ENTREP1: variants seen among roughly 807,000 people sequenced by gnomAD.
The protein encoded by ENTREP1 is Friedreich ataxia region gene X123.
At chr9:69,371,617 G>T in the ENTREP1 span, 1 of 1,567,116 alleles carries the variant, frequency 6.4e-7, no homozygotes, top group Non-Finnish European at 8.8e-7. Flanking sequence ...CTGGTAAGCA[G>T]TCCTAAAACA....
the ENTREP1 span, chr9:69,383,672 A>G: frequency 6.2e-7 from 1 of 1,614,010 alleles, no homozygotes; most frequent in South Asian, 1.1e-5. Context: ...ACATCTACGG[A>G]GCTCGAATCA....
the ENTREP1 span, among the ~76,000 whole-genome samples, chr9:69,337,949 T>A: frequency 6.6e-6 from 1 of 152,206 alleles, no homozygotes; most frequent in Admixed American, 6.5e-5. Flanking sequence ...ACTCCTTAAA[T>A]TTTTAAATAC....
At chr9:69,388,475 A>G in the ENTREP1 span, 4 of 1,524,420 alleles carry the variant, frequency 2.6e-6, no homozygotes, top group African/African-American at 1.4e-5. Context: ...AATCTCAGGC[A>G]TGAATCAGAT....
chr9:69,380,954 T>G, the ENTREP1 span: 1 of 152,054 alleles, frequency 6.6e-6, no homozygotes, highest in Admixed American at 6.5e-5. Context: ...TGTAGAGGGT[T>G]GGGGGAGGGC....
the ENTREP1 span, among the ~76,000 whole-genome samples, chr9:69,343,619 A>G: frequency 6.6e-6 from 1 of 152,222 alleles, no homozygotes; most frequent in Non-Finnish European, 1.5e-5. Flanking sequence ...CAATATCGCT[A>G]GTCACTAGGG....
the ENTREP1 span, among the ~76,000 whole-genome samples, chr9:69,342,352 T>A: frequency 6.6e-6 from 1 of 152,244 alleles, no homozygotes; most frequent in Admixed American, 6.5e-5. Context: ...CCTAGTTCAT[T>A]GCTTCTTCCA....
At chr9:69,391,076 G>T in the ENTREP1 span, among the ~76,000 whole-genome samples, 1 of 152,056 alleles carries the variant, frequency 6.6e-6, no homozygotes, top group Non-Finnish European at 1.5e-5. Context: ...GAGCCACTGC[G>T]CCTATACTTG....
the ENTREP1 span, among the ~76,000 whole-genome samples, chr9:69,340,238 T>G: frequency 2.0e-5 from 3 of 152,218 alleles, no homozygotes; most frequent in Non-Finnish European, 4.4e-5. Context: ...GATGCTCTTT[T>G]TCAGGGCCCT....
At chr9:69,386,703 C>T in the ENTREP1 span, 1 of 152,210 alleles carries the variant, frequency 6.6e-6, no homozygotes, top group Non-Finnish European at 1.5e-5. Context: ...TTTGATAATC[C>T]TCCACCCTGC....
At chr9:69,350,011 C>T in the ENTREP1 span, among the ~76,000 whole-genome samples, 1 of 152,248 alleles carries the variant, frequency 6.6e-6, no homozygotes, top group Middle Eastern at 3.4e-3. Context: ...GATTTGCAAA[C>T]ATTTTCTTTG....
the ENTREP1 span, among the ~76,000 whole-genome samples, chr9:69,333,497 G>T: frequency 1.3e-5 from 2 of 151,984 alleles, no homozygotes; most frequent in African/African-American, 2.4e-5. Flanking sequence ...TAGAGACAGG[G>T]TCTCACCGTG....
the ENTREP1 span, among the ~76,000 whole-genome samples, chr9:69,363,362 G>A: frequency 6.6e-6 from 1 of 152,134 alleles, no homozygotes; most frequent in South Asian, 2.1e-4. Context: ...CAATAGGAAT[G>A]GGGCTTAATG....
chr9:69,363,039 C>A, the ENTREP1 span, among the ~76,000 whole-genome samples: 1 of 152,146 alleles, frequency 6.6e-6, no homozygotes, highest in East Asian at 1.9e-4. Flanking sequence ...GACAAATACA[C>A]GCATGTCGCC....
chr9:69,368,038 G>A, the ENTREP1 span, among the ~76,000 whole-genome samples: 5 of 93,048 alleles, frequency 5.4e-5, no homozygotes, highest in Admixed American at 3.6e-4. Flanking sequence ...TTTTCTAAAC[G>A]TTGATTTTGT....
the ENTREP1 span, among the ~76,000 whole-genome samples, chr9:69,388,795 T>C: frequency 2.6e-5 from 4 of 152,220 alleles, no homozygotes; most frequent in Non-Finnish European, 5.9e-5. Context: ...AAGGTTTCCT[T>C]TGATAGGGCA....
At chr9:69,367,800 A>T in the ENTREP1 span, among the ~76,000 whole-genome samples, 3 of 92,038 alleles carry the variant, frequency 3.3e-5, no homozygotes, top group African/African-American at 8.3e-5. Context: ...CATATATATA[A>T]ATATATATAC....
chr9:69,364,899 G>A, the ENTREP1 span, among the ~76,000 whole-genome samples: 1 of 152,142 alleles, frequency 6.6e-6, no homozygotes, highest in Non-Finnish European at 1.5e-5. Flanking sequence ...GCATTCTAAT[G>A]ATTTGACTTT....
chr9:69,385,177 T>C, the ENTREP1 span, among the ~76,000 whole-genome samples: 1 of 152,174 alleles, frequency 6.6e-6, no homozygotes, highest in African/African-American at 2.4e-5. Context: ...CACCTCAGCC[T>C]CCCAAAGTGC....
chr9:69,347,041 C>A, the ENTREP1 span, among the ~76,000 whole-genome samples: 2 of 152,188 alleles, frequency 1.3e-5, no homozygotes, highest in South Asian at 4.1e-4. Flanking sequence ...GATTGGAGCA[C>A]CCTGTGGCCT....
Sources: allele counts gnomAD v4.1 joint callset (sites outside exome capture counted in the v4.1 genomes callset), GRCh38; gene constraint gnomAD v4.1.1; transcripts MANE v1.5; gene names NCBI Gene and HGNC (gene_info 2026-07-23, HGNC 2026-07-21).